The following ANKFN1 variants were observed in gnomAD, a reference collection of about 807,000 sequenced individuals.
The protein encoded by ANKFN1 is ankyrin repeat and fibronectin type III domain containing 1.
A neutral mutation model predicts 108.7 loss-of-function variants in ANKFN1; 74 were observed. The ratio of observed to expected loss-of-function variants is 0.68; its 90% CI spans 0.56 to 0.83. The LOEUF is 0.83. Among genes scored for constraint, ANKFN1 ranks in the 40% least tolerant of loss-of-function variants. The probability of loss-of-function intolerance (pLI) is 0.00; values close to 1 mark genes in which losing one functional copy is unlikely to be tolerated. For synonymous variants in ANKFN1, 547 were observed against 516.2 expected (o/e 1.06, Z -0.81); for missense variants, 1,505 against 1,382.3 (o/e 1.09, Z -1.41).
At chr17:56,472,894 G>A (rs1209127847) in intron 15 of ANKFN1, 1 of 152,182 alleles carries the variant, frequency 6.6e-6, no homozygotes, top group Non-Finnish European at 1.5e-5. Flanking sequence ...CAAAATAAAG[G>A]AGAGAAGAAA....
chr17:56,120,153 C>T (rs143145025), intron 4 of ANKFN1, among the ~76,000 whole-genome samples: 1 of 152,118 alleles, frequency 6.6e-6, no homozygotes, highest in Admixed American at 6.5e-5. Context: ...CATTACTCAG[C>T]CATATTTTTA....
intron 4 of ANKFN1, among the ~76,000 whole-genome samples, chr17:56,091,460 A>G (rs1363363187): frequency 6.7e-6 from 1 of 149,448 alleles, no homozygotes; most frequent in African/African-American, 2.5e-5. Flanking sequence ...ACACACACAC[A>G]CAGAGTTCAT....
chr17:56,453,957 GTGA>G (rs1434012211), intron 11 of ANKFN1, among the ~76,000 whole-genome samples: 1 of 152,060 alleles, frequency 6.6e-6, no homozygotes, highest in Admixed American at 6.6e-5. Flanking sequence ...AAATTTCACA[GTGA>G]TGTACTAAGG....
At position 56,208,892 on chromosome 17, in the gene ANKFN1, A is replaced by T. The variant is rs188484500; in HGVS notation, c.-70-3706A>T. Among the ~76,000 whole-genome samples the T allele has an allele frequency of 9.2e-4, 139 of 151,006 alleles. 1 individual carries two copies. In the East Asian group the frequency reaches 0.017, roughly 18 times the overall value. On this transcript the variant is annotated intron_variant, in intron 1 of 20. Coordinates refer to ENST00000682825, the MANE Select transcript of ANKFN1 (RefSeq NM_001370326.1). ...CCTCTTTTATTTTATTATTATTATT[A>T]TTTTTTTTTAAGACAGAGTCTCGCT...
intron 8 of ANKFN1, among the ~76,000 whole-genome samples, chr17:56,392,807 A>G (rs546319980): frequency 1.3e-5 from 2 of 152,220 alleles, no homozygotes; most frequent in African/African-American, 4.8e-5. Context: ...AATCAGGAAC[A>G]GCATCAGAAG....
chr17:56,052,019 C>T (rs556067790), intron 4 of ANKFN1, among the ~76,000 whole-genome samples: 8 of 145,642 alleles, frequency 5.5e-5, no homozygotes, highest in Non-Finnish European at 7.6e-5. Flanking sequence ...GATTCAATGC[C>T]ATCCCCATCA....
chr17:56,288,626 C>G (rs1348936837), intron 3 of ANKFN1, among the ~76,000 whole-genome samples: 1 of 152,088 alleles, frequency 6.6e-6, no homozygotes, highest in Admixed American at 6.6e-5. Context: ...ATATAAATAA[C>G]TAAAACTTAC....
At chr17:56,183,737 A>C (rs1911910162) in intron 1 of ANKFN1, among the ~76,000 whole-genome samples, 1 of 152,204 alleles carries the variant, frequency 6.6e-6, no homozygotes, top group Non-Finnish European at 1.5e-5. Flanking sequence ...TACATTACCC[A>C]GTCTCAGGTA....
At chr17:56,275,707 A>G (rs548261295) in intron 3 of ANKFN1, among the ~76,000 whole-genome samples, 2 of 152,288 alleles carry the variant, frequency 1.3e-5, no homozygotes, top group South Asian at 4.1e-4. Context: ...TCTTGAAAAC[A>G]TTGGGGAGCA....
intron 20 of ANKFN1, among the ~76,000 whole-genome samples, chr17:56,507,583 TTTTGGCTTC>T (rs2051609534): frequency 6.6e-6 from 1 of 152,204 alleles, no homozygotes. Flanking sequence ...CTCCTTGATG[TTTTGGCTTC>T]CCCTCAGCTC....
intron 18 of ANKFN1, among the ~76,000 whole-genome samples, chr17:56,490,952 G>A (rs147664862): frequency 5.3e-4 from 80 of 152,120 alleles, no homozygotes; most frequent in African/African-American, 1.8e-3. Context: ...AAGCAAGGAA[G>A]TAGTAGCCAG....
intron 8 of ANKFN1, among the ~76,000 whole-genome samples, chr17:56,395,757 G>A (rs527813173): frequency 2.4e-4 from 36 of 152,250 alleles, no homozygotes; most frequent in African/African-American, 8.7e-4. Flanking sequence ...GCTGAGGCAC[G>A]AGAATCACTT....
At chr17:56,263,132 C>A (rs536036686) in intron 3 of ANKFN1, among the ~76,000 whole-genome samples, 1 of 152,344 alleles carries the variant, frequency 6.6e-6, no homozygotes, top group East Asian at 1.9e-4. Flanking sequence ...ACAAGACGAA[C>A]AAGTTCACAG....
Position 56,348,657 on chromosome 17 carries a change from C to T in ANKFN1, c.189-2109C>T, listed in dbSNP as rs116210050. Among the ~76,000 whole-genome samples, 1,511 of 152,218 alleles carry T rather than the reference C, an allele frequency of 9.9e-3. 17 individuals are homozygous for T. Among genetic ancestry groups the T allele is most frequent in the African/African-American group, 0.034 (1,400 of 41,544 alleles). The stretch of plus-strand genomic sequence containing the variant: ...CCAATAAACATGCAAAAAAGCTCAA[C>T]ATCACTGATCATTAGATAAAATCCA... On this transcript the variant is annotated intron_variant, in intron 4 of 20. Transcript: ENST00000682825.
intron 1 of ANKFN1, among the ~76,000 whole-genome samples, chr17:56,178,355 C>T (rs765652931): frequency 6.6e-6 from 1 of 152,136 alleles, no homozygotes; most frequent in Non-Finnish European, 1.5e-5. Context: ...TCATTAGATA[C>T]GTAAAGTTCC....
chr17:56,171,727 G>A (rs750413496), intron 1 of ANKFN1, among the ~76,000 whole-genome samples: 54 of 152,182 alleles, frequency 3.5e-4, no homozygotes, highest in Non-Finnish European at 7.5e-4. Flanking sequence ...CATACACTGA[G>A]TCTGAGTCTT....
chr17:56,445,807 C>G (rs896735987), intron 10 of ANKFN1, among the ~76,000 whole-genome samples: 7 of 152,112 alleles, frequency 4.6e-5, no homozygotes, highest in African/African-American at 1.7e-4. Flanking sequence ...GAAAAGGACC[C>G]AGACAGGCTT....
intron 4 of ANKFN1, among the ~76,000 whole-genome samples, chr17:56,125,535 G>A (rs1032303700): frequency 3.9e-5 from 6 of 152,178 alleles, no homozygotes; most frequent in Non-Finnish European, 7.3e-5. Flanking sequence ...AAAAGGTATT[G>A]TGTGCTTACC....
intron 4 of ANKFN1, among the ~76,000 whole-genome samples, chr17:56,136,197 T>C (rs1013526720): frequency 3.3e-5 from 5 of 152,132 alleles, no homozygotes; most frequent in African/African-American, 1.2e-4. Flanking sequence ...ATAAGACCCC[T>C]GAATCTCACC....
Sources: allele counts gnomAD v4.1 joint callset (sites outside exome capture counted in the v4.1 genomes callset), GRCh38; gene constraint gnomAD v4.1.1; transcripts MANE v1.5; gene names NCBI Gene and HGNC (gene_info 2026-07-23, HGNC 2026-07-21).